The following MSR1 variants were observed in gnomAD, a reference collection of about 807,000 sequenced individuals.
MSR1 encodes macrophage scavenger receptor types I and II.
MSR1 carries 53 observed loss-of-function variants against 47.2 expected under a neutral mutation model. That is an observed-to-expected ratio of 1.12 (90% CI 0.90 to 1.41). The LOEUF (loss-of-function observed/expected upper bound fraction) is 1.41, where lower values mean the gene tolerates loss of function less well. Among genes scored for constraint, MSR1 ranks in the 40% most tolerant of loss-of-function variants. The pLI, the probability that MSR1 is intolerant of heterozygous loss-of-function variation, is 0.00. For missense variants in MSR1, 786 were observed against 546.9 expected (o/e 1.44, Z -4.36); for synonymous variants, 239 against 185.6 (o/e 1.29, Z -2.34).
intron 3 of MSR1, among the ~76,000 whole-genome samples, chr8:16,170,183 G>A (rs57064667): frequency 0.046 from 6,985 of 151,776 alleles, 498 homozygotes; most frequent in African/African-American, 0.15. Flanking sequence ...CCCCGTCTCT[G>A]CTAAAAATAC....
chr8:16,125,464 A>G (rs1449731117), intron 8 of MSR1, among the ~76,000 whole-genome samples: 1 of 152,162 alleles, frequency 6.6e-6, no homozygotes, highest in Non-Finnish European at 1.5e-5. Flanking sequence ...ATGATTTGAC[A>G]TATCTCTGCT....
intron 8 of MSR1, among the ~76,000 whole-genome samples, chr8:16,139,035 C>T (rs370862373): frequency 8.5e-5 from 13 of 152,166 alleles, no homozygotes; most frequent in African/African-American, 1.7e-4. Context: ...TTCTGCCCTC[C>T]GGCGTGCACT....
chr8:16,128,865 G>A (rs1227548906), intron 8 of MSR1, among the ~76,000 whole-genome samples: 1 of 151,996 alleles, frequency 6.6e-6, no homozygotes, highest in African/African-American at 2.4e-5. Flanking sequence ...GGACCTATTA[G>A]ATGTTTTAAT....
chr8:16,137,887 G>T (rs1261063495), intron 8 of MSR1, among the ~76,000 whole-genome samples: 1 of 151,848 alleles, frequency 6.6e-6, no homozygotes, highest in Non-Finnish European at 1.5e-5. Flanking sequence ...AGCTACTCAG[G>T]AGGCTGAGGT....
rs576616831 is a variant in MSR1, at chr8:16,147,335, C to T, written c.979+2896G>A. On this transcript the variant is annotated intron_variant, in intron 7 of 9. Transcript: ENST00000262101. ...CATTTCCCTGTTTCTAGCACTGTAC[C>T]CTTACGAGCAGTGTGTACTTAATCC... is the stretch of plus-strand genomic sequence containing the variant. Among the ~76,000 whole-genome samples, 5 of 152,092 alleles carry T rather than the reference C, an allele frequency of 3.3e-5. No individual in the cohort carries two copies. In the South Asian group the frequency reaches 1.0e-3, roughly 32 times the overall value.
chr8:16,179,622 G>A (rs536745650), intron 1 of MSR1, among the ~76,000 whole-genome samples: 38 of 152,170 alleles, frequency 2.5e-4, no homozygotes, highest in Non-Finnish European at 4.4e-4. Context: ...GCTCACGCCT[G>A]TAATCCCAGC....
At chr8:16,190,331 A>C (rs983540385) in intron 1 of MSR1, among the ~76,000 whole-genome samples, 1 of 152,226 alleles carries the variant, frequency 6.6e-6, no homozygotes, top group African/African-American at 2.4e-5. Flanking sequence ...TTAAAAAGAT[A>C]ACATAAATTT....
intron 4 of MSR1, 91 bp from the exon 5 acceptor site, chr8:16,164,342 A>G (rs1801245341): frequency 9.3e-7 from 1 of 1,073,378 alleles, no homozygotes; most frequent in Non-Finnish European, 1.4e-6. Context: ...TCAGGTTTTT[A>G]AAAACATATT....
At chr8:16,189,244 T>C (rs1293053103) in intron 1 of MSR1, among the ~76,000 whole-genome samples, 1 of 138,886 alleles carries the variant, frequency 7.2e-6, no homozygotes, top group African/African-American at 2.6e-5. Context: ...TTTATATATA[T>C]TTAGATATAA....
chr8:16,114,428 T>C (rs1799830674), intron 9 of MSR1, among the ~76,000 whole-genome samples: 1 of 152,128 alleles, frequency 6.6e-6, no homozygotes, highest in Non-Finnish European at 1.5e-5. Context: ...AGATCTTACT[T>C]CCCTCATCAG....
In MSR1 at chr8:16,168,699, T is replaced by G; in HGVS notation, c.389A>C (p.Asp130Ala). The stretch of plus-strand genomic sequence containing the variant: ...TGTGTCCATGAGGTTGGCTTCCATG[T>G]CTAAAATATGCTGGATTCTCTTCTC... ...NMEKRIQHILDMEANLMDTEH... is the reference protein window; with the variant it reads ...NMEKRIQHILAMEANLMDTEH... The change falls in exon 4 of 10, where the codon GAC becomes GCC. Residue 130 changes from aspartate (D) to alanine (A), a missense_variant. Coordinates refer to ENST00000262101, the MANE Select transcript of MSR1 (RefSeq NM_138715.3). The G allele has an allele frequency of 6.2e-7, 1 of 1,614,204 alleles. No individual in the cohort carries two copies. The highest frequency in any genetic ancestry group is 8.5e-7 in the Non-Finnish European group (1 of 1,180,022).
chr8:16,182,767 C>A (rs181795977), intron 1 of MSR1, among the ~76,000 whole-genome samples: 3 of 152,180 alleles, frequency 2.0e-5, no homozygotes, highest in Middle Eastern at 3.4e-3. Flanking sequence ...TTCCAGAATA[C>A]CTCCTAAAGG....
chr8:16,188,022 A>T (rs12114633), intron 1 of MSR1, among the ~76,000 whole-genome samples: 6,049 of 152,246 alleles, frequency 0.04, 483 homozygotes, highest in East Asian at 0.32. Context: ...TATCAGTTCC[A>T]CAGTTAGGAC....
At position 16,135,562 on chromosome 8, in the gene MSR1, T is replaced by G. The variant is rs543451662; in HGVS notation, c.1033+7996A>C. 2.8e-3 allele frequency among the ~76,000 whole-genome samples: 424 copies of G among 152,294 alleles called. 3 individuals carry two copies. The highest frequency in any genetic ancestry group is 9.7e-3 in the African/African-American group (402 of 41,572). Reference sequence around the variant, plus strand: ...GAAAGACTGGTGTTGTTTTCATGCCTGCTAACACAATATCCATTGTGTAGC... The same window carrying G: ...GAAAGACTGGTGTTGTTTTCATGCCGGCTAACACAATATCCATTGTGTAGC... On this transcript the variant is annotated intron_variant, in intron 8 of 9. Transcript: ENST00000262101.
intron 7 of MSR1, among the ~76,000 whole-genome samples, chr8:16,146,416 A>G (rs888035872): frequency 9.2e-5 from 14 of 152,050 alleles, no homozygotes; most frequent in African/African-American, 3.4e-4. Context: ...CAAAAAATGC[A>G]TCTCTTCCTC....
intron 3 of MSR1, 65 bp from the exon 4 acceptor site, chr8:16,168,935 C>A (rs916223067): frequency 1.1e-5 from 16 of 1,417,230 alleles, no homozygotes; most frequent in Admixed American, 1.7e-5. Context: ...GGATCCCATC[C>A]CATATCATTC....
intron 7 of MSR1, among the ~76,000 whole-genome samples, chr8:16,146,734 T>G (rs1483492092): frequency 6.6e-6 from 1 of 152,142 alleles, no homozygotes; most frequent in Non-Finnish European, 1.5e-5. Context: ...TGGAACTACT[T>G]AAAGCTTTAT....
At chr8:16,126,269 A>T (rs1800126196) in intron 8 of MSR1, among the ~76,000 whole-genome samples, 1 of 152,192 alleles carries the variant, frequency 6.6e-6, no homozygotes, top group Non-Finnish European at 1.5e-5. Flanking sequence ...TCTTCTTTGC[A>T]TGTGTCAATT....
chr8:16,181,696 G>A (rs1801836964), intron 1 of MSR1, among the ~76,000 whole-genome samples: 1 of 151,612 alleles, frequency 6.6e-6, no homozygotes, highest in African/African-American at 2.4e-5. Context: ...AATACCTAAT[G>A]TAAATGATGG....
Sources: gnomAD v4.1 joint callset for allele counts (sites outside exome capture counted in the v4.1 genomes callset) on GRCh38, gnomAD v4.1.1 for gene constraint, MANE v1.5 for transcripts, NCBI Gene and HGNC (gene_info 2026-07-23, HGNC 2026-07-21) for gene names.